SAMD12: variants seen among roughly 807,000 people sequenced by gnomAD.
The protein encoded by SAMD12 is sterile alpha motif domain-containing protein 12.
Under a neutral mutation model 15.0 loss-of-function variants are expected in SAMD12, and 9 were observed. That is an observed-to-expected ratio of 0.60 (90% CI 0.36 to 1.05). The LOEUF (loss-of-function observed/expected upper bound fraction) is 1.05, where lower values mean the gene tolerates loss of function less well. Among genes scored for constraint, SAMD12 ranks in the 50% least tolerant of loss-of-function variants. The probability of loss-of-function intolerance (pLI) is 0.01; values close to 1 mark genes in which losing one functional copy is unlikely to be tolerated. For missense variants in SAMD12, 230 were observed against 234.2 expected, an observed-to-expected ratio of 0.98 and a Z score of 0.12; for synonymous variants, 86 against 90.1, an observed-to-expected ratio of 0.96 and a Z score of 0.25.
chr8:118,525,438 G>C lies in SAMD12; in HGVS notation c.192+55277C>G, dbSNP rs114733252. ...TCATTGACTCAAACCCCTATAGAAT[G>C]CAAGTGTCATCAGAGCAGACACTAT... On this transcript the variant is annotated intron_variant, in intron 2 of 3. Transcript: ENST00000314727. Among the ~76,000 whole-genome samples, 792 of 152,210 alleles carry C rather than the reference G, an allele frequency of 5.2e-3. 11 individuals are homozygous for C. Among genetic ancestry groups the C allele is most frequent in the African/African-American group, 0.018 (758 of 41,530 alleles).
At chr8:118,165,586 A>C in the SAMD12 span, among the ~76,000 whole-genome samples, 2 of 120,928 alleles carry the variant, frequency 1.7e-5, no homozygotes, top group African/African-American at 3.2e-5. Context: ...TCATAAATCT[A>C]TATATATACA....
At chr8:118,384,815 CTCT>C (rs1380512400) in intron 3 of SAMD12, among the ~76,000 whole-genome samples, 1 of 152,200 alleles carries the variant, frequency 6.6e-6, no homozygotes, top group East Asian at 1.9e-4. Context: ...AACCCCAAAG[CTCT>C]GAGTTGTCTG....
intron 4 of SAMD12, among the ~76,000 whole-genome samples, chr8:118,285,320 T>G (rs1352407281): frequency 6.6e-6 from 1 of 152,192 alleles, no homozygotes; most frequent in African/African-American, 2.4e-5. Flanking sequence ...GTCCCTATGT[T>G]ATAGTGATCA....
chr8:118,495,082 T>C (rs2515051), intron 2 of SAMD12, among the ~76,000 whole-genome samples: 64,961 of 152,044 alleles, frequency 0.43, 14,160 homozygotes, highest in East Asian at 0.63. Flanking sequence ...CACAAGTGTG[T>C]GACATACAGT....
downstream of SAMD12, among the ~76,000 whole-genome samples, chr8:118,377,046 A>T (rs1430208701): frequency 3.3e-5 from 5 of 152,148 alleles, no homozygotes; most frequent in Admixed American, 1.3e-4. Context: ...TTTAAAAAAG[A>T]AACTATTACT....
chr8:118,457,762 T>C (rs2130929884), intron 2 of SAMD12, among the ~76,000 whole-genome samples: 1 of 152,322 alleles, frequency 6.6e-6, no homozygotes, highest in South Asian at 2.1e-4. Context: ...ATTAGAAAGA[T>C]AAATGTCAGC....
In SAMD12 at chr8:118,328,857, C is replaced by G. The variant is rs536975174; in HGVS notation, c.433+50703G>C. On this transcript the variant is annotated intron_variant, in intron 4 of 4. Coordinates refer to the SAMD12 transcript ENST00000409003. ...TCATCCTATGTGTAACACTAGCCATCTTTTTTGTTTCTAAGGGAAGGTCTC... is the reference window on the plus strand; with the variant it reads ...TCATCCTATGTGTAACACTAGCCATGTTTTTTGTTTCTAAGGGAAGGTCTC... Among the ~76,000 whole-genome samples, 6 of 152,260 alleles carry G rather than the reference C, an allele frequency of 3.9e-5. 1 individual carries two copies. In the South Asian group the frequency reaches 1.0e-3, roughly 26 times the overall value.
At chr8:118,210,096 T>C (rs921585342) in intron 4 of SAMD12, among the ~76,000 whole-genome samples, 1 of 152,134 alleles carries the variant, frequency 6.6e-6, no homozygotes, top group Non-Finnish European at 1.5e-5. Flanking sequence ...CCAGGAGAAA[T>C]GGGCTGGGAT....
At chr8:118,542,306 T>C (rs1826007931) in intron 2 of SAMD12, among the ~76,000 whole-genome samples, 1 of 152,172 alleles carries the variant, frequency 6.6e-6, no homozygotes, top group South Asian at 2.1e-4. Context: ...AATGAAAAAA[T>C]AGATACATCT....
chr8:118,458,535 A>G (rs2130931616), intron 2 of SAMD12, among the ~76,000 whole-genome samples: 1 of 152,364 alleles, frequency 6.6e-6, no homozygotes, highest in East Asian at 1.9e-4. Context: ...CAAGTGCAGG[A>G]CATTTTTCTG....
chr8:118,321,075 T>G (rs975697916), intron 4 of SAMD12, among the ~76,000 whole-genome samples: 2 of 143,876 alleles, frequency 1.4e-5, no homozygotes, highest in African/African-American at 2.6e-5. Flanking sequence ...CAGCAAGAAG[T>G]TGATGAATAC....
chr8:118,329,125 CA>C (rs142994064), intron 4 of SAMD12, among the ~76,000 whole-genome samples: 2 of 151,564 alleles, frequency 1.3e-5, no homozygotes, highest in Admixed American at 6.6e-5. Flanking sequence ...GAAAAGTAAA[CA>C]AAAAAAATCA....
chr8:118,316,503 T>C (rs1815912588), intron 4 of SAMD12, among the ~76,000 whole-genome samples: 2 of 152,008 alleles, frequency 1.3e-5, no homozygotes, highest in Non-Finnish European at 2.9e-5. Flanking sequence ...GGCACTGCAC[T>C]CCAGTCTGGT....
intron 3 of SAMD12, among the ~76,000 whole-genome samples, chr8:118,381,099 A>G (rs2130717141): frequency 6.6e-6 from 1 of 152,328 alleles, no homozygotes; most frequent in Admixed American, 6.5e-5. Flanking sequence ...CAAAAAGGCC[A>G]CCAATTGTCC....
intron 4 of SAMD12, among the ~76,000 whole-genome samples, chr8:118,225,368 T>C (rs1347980390): frequency 1.3e-5 from 2 of 151,914 alleles, no homozygotes; most frequent in African/African-American, 4.8e-5. Context: ...GTCTGGAAAC[T>C]AAAAAAAGGC....
chr8:118,377,423 A>C (rs1056882097), downstream of SAMD12, among the ~76,000 whole-genome samples: 5 of 151,994 alleles, frequency 3.3e-5, no homozygotes, highest in African/African-American at 1.2e-4. Context: ...AAAACCAAAA[A>C]CCTATGTAAA....
At chr8:118,494,724 C>T (rs1308501301) in intron 2 of SAMD12, among the ~76,000 whole-genome samples, 1 of 152,142 alleles carries the variant, frequency 6.6e-6, no homozygotes, top group African/African-American at 2.4e-5. Flanking sequence ...TTGTGCTTCC[C>T]CAACACCCTT....
intron 3 of SAMD12, among the ~76,000 whole-genome samples, chr8:118,389,372 C>A (rs187827184): frequency 6.6e-6 from 1 of 152,220 alleles, no homozygotes; most frequent in Admixed American, 6.5e-5. Context: ...AAGAGAACTG[C>A]CCTAAGGGAT....
intron 2 of SAMD12, among the ~76,000 whole-genome samples, chr8:118,535,875 T>A (rs1054181885): frequency 4.6e-5 from 7 of 152,188 alleles, no homozygotes; most frequent in African/African-American, 1.7e-4. Context: ...GAAAGGGAAT[T>A]CCCTGACCCC....
Sources: gnomAD v4.1 joint callset for allele counts (sites outside exome capture counted in the v4.1 genomes callset) on GRCh38, gnomAD v4.1.1 for gene constraint, MANE v1.5 for transcripts, NCBI Gene and HGNC (gene_info 2026-07-23, HGNC 2026-07-21) for gene names.